The following FNDC3A variants were observed in gnomAD, a reference collection of about 807,000 sequenced individuals.
FNDC3A encodes the protein fibronectin type-III domain-containing protein 3A.
A neutral mutation model predicts 148.9 loss-of-function variants in FNDC3A; 32 were observed. The observed-to-expected ratio is 0.21, with a 90% CI of 0.16 to 0.29. The LOEUF (loss-of-function observed/expected upper bound fraction) is 0.29. FNDC3A is among the 10% of genes least tolerant of loss of function. The probability of loss-of-function intolerance (pLI) is 1.00; values close to 1 mark genes in which losing one functional copy is unlikely to be tolerated. For synonymous variants in FNDC3A, 472 were observed against 473.6 expected (o/e 1.00, Z 0.04); for missense variants, 1,191 against 1,452.8 (o/e 0.82, Z 2.93).
intron 25 of FNDC3A, among the ~76,000 whole-genome samples, chr13:49,204,197 T>C (rs1375494950): frequency 6.6e-6 from 1 of 152,222 alleles, no homozygotes; most frequent in East Asian, 1.9e-4. Flanking sequence ...GATAGCTTTC[T>C]GATAAAGCAA....
At chr13:49,017,837 A>G (rs574264065) in intron 2 of FNDC3A, among the ~76,000 whole-genome samples, 116 of 151,992 alleles carry the variant, frequency 7.6e-4, no homozygotes, top group Non-Finnish European at 1.1e-3. Flanking sequence ...TCTGTAAAGT[A>G]TTTTATTTCT....
chr13:49,087,085 T>G (rs1358825458), intron 3 of FNDC3A, among the ~76,000 whole-genome samples: 1 of 152,112 alleles, frequency 6.6e-6, no homozygotes, highest in African/African-American at 2.4e-5. Flanking sequence ...AAGGAAAATA[T>G]AGGGAAATTC....
intron 2 of FNDC3A, among the ~76,000 whole-genome samples, chr13:49,038,272 C>T (rs1016978599): frequency 2.6e-5 from 4 of 152,168 alleles, no homozygotes; most frequent in Non-Finnish European, 4.4e-5. Flanking sequence ...AATGCCTGTT[C>T]TCACTTAGGG....
intron 8 of FNDC3A, among the ~76,000 whole-genome samples, chr13:49,162,272 A>G (rs1283010579): frequency 6.6e-6 from 1 of 152,154 alleles, no homozygotes; most frequent in Non-Finnish European, 1.5e-5. Context: ...GTCTTTTCAC[A>G]TAGTCCCATA....
At position 48,978,258 on chromosome 13, in the gene FNDC3A, C is replaced by T. The variant is rs560171823; in HGVS notation, c.-40+2081C>T. Among the ~76,000 whole-genome samples the T allele has an allele frequency of 1.1e-4, 17 of 152,172 alleles. No homozygotes were observed. In the East Asian group the frequency reaches 3.3e-3, roughly 29 times the overall value. ...TAATTTAAAAATTTCTCCCTCTTCC[C>T]TGACCAGCCAGACATAGCTAAGGGC... is the stretch of plus-strand genomic sequence containing the variant. On this transcript the variant is annotated intron_variant, in intron 1 of 25. Coordinates refer to ENST00000492622, the MANE Select transcript of FNDC3A (RefSeq NM_001079673.2).
chr13:49,176,727 G>A (rs1227419346), intron 13 of FNDC3A, among the ~76,000 whole-genome samples: 1 of 152,172 alleles, frequency 6.6e-6, no homozygotes, highest in Non-Finnish European at 1.5e-5. Context: ...TGCCACAGTA[G>A]TTAGCTCATT....
At chr13:49,150,942 T>TAAA (rs1883252930) in intron 8 of FNDC3A, among the ~76,000 whole-genome samples, 1 of 54,694 alleles carries the variant, frequency 1.8e-5, no homozygotes, top group African/African-American at 7.9e-5. Flanking sequence ...AGACTCCGTC[T>TAAA]CAAAAAAAAA....
intron 1 of FNDC3A, among the ~76,000 whole-genome samples, chr13:48,998,746 AAAG>A (rs1952069993): frequency 6.6e-6 from 1 of 152,216 alleles, no homozygotes; most frequent in Non-Finnish European, 1.5e-5. Flanking sequence ...CAGAAATGAG[AAAG>A]AACATTTGGA....
At chr13:49,167,203 C>A in intron 8 of FNDC3A, 41 bp from the exon 9 acceptor site, 3 of 1,288,636 alleles carry the variant, frequency 2.3e-6, no homozygotes, top group African/African-American at 1.5e-5. Flanking sequence ...GTTGAAAATG[C>A]TTTATTTATC....
chr13:49,173,489 TA>T (rs1375601633), intron 11 of FNDC3A, among the ~76,000 whole-genome samples: 1 of 152,216 alleles, frequency 6.6e-6, no homozygotes, highest in African/African-American at 2.4e-5. Flanking sequence ...GTACCATCAC[TA>T]AACAAAGGCA....
At chr13:49,125,498 T>C (rs1248283334) in intron 4 of FNDC3A, among the ~76,000 whole-genome samples, 1 of 152,148 alleles carries the variant, frequency 6.6e-6, no homozygotes, top group Non-Finnish European at 1.5e-5. Flanking sequence ...AGTTCTGGGT[T>C]CAGAGTGAGA....
intron 3 of FNDC3A, among the ~76,000 whole-genome samples, chr13:49,100,265 A>G (rs1229744248): frequency 1.3e-5 from 2 of 152,084 alleles, no homozygotes; most frequent in African/African-American, 2.4e-5. Context: ...ATATCAGTCA[A>G]TAAAGAAACA....
chr13:48,986,837 A>G (rs76920906), intron 1 of FNDC3A, among the ~76,000 whole-genome samples: 1 of 152,230 alleles, frequency 6.6e-6, no homozygotes, highest in Non-Finnish European at 1.5e-5. Flanking sequence ...GATTCTGCAG[A>G]CAAATCTACT....
chr13:49,126,261 GT>G (rs967854634), intron 4 of FNDC3A, among the ~76,000 whole-genome samples: 8 of 147,992 alleles, frequency 5.4e-5, no homozygotes, highest in African/African-American at 1.0e-4. Context: ...AGGTTTGGGG[GT>G]TTTTTTTGTT....
At chr13:49,030,148 A>C (rs189980873) in intron 2 of FNDC3A, among the ~76,000 whole-genome samples, 3 of 152,316 alleles carry the variant, frequency 2.0e-5, no homozygotes, top group Non-Finnish European at 4.4e-5. Flanking sequence ...AAGTACTAGC[A>C]AATCAAGTCC....
At chr13:49,183,970 G>A (rs1885434999) in intron 14 of FNDC3A, among the ~76,000 whole-genome samples, 1 of 152,192 alleles carries the variant, frequency 6.6e-6, no homozygotes, top group South Asian at 2.1e-4. Context: ...TTCTGATGAG[G>A]GGAGTGGACA....
intron 2 of FNDC3A, among the ~76,000 whole-genome samples, chr13:49,013,499 C>A (rs1593469538): frequency 6.6e-6 from 1 of 151,378 alleles, no homozygotes; most frequent in Non-Finnish European, 1.5e-5. Context: ...TATACATGTA[C>A]ATGCGTATAC....
intron 1 of FNDC3A, among the ~76,000 whole-genome samples, chr13:49,000,204 C>G (rs1044167294): frequency 2.4e-4 from 36 of 152,120 alleles, no homozygotes; most frequent in African/African-American, 8.4e-4. Context: ...TCTAGAAGTT[C>G]TACAGTTTGG....
intron 25 of FNDC3A, among the ~76,000 whole-genome samples, chr13:49,204,098 A>G (rs1886539610): frequency 6.6e-6 from 1 of 152,238 alleles, no homozygotes; most frequent in Non-Finnish European, 1.5e-5. Flanking sequence ...AATAATAGTC[A>G]TAATGCAGTG....
Sources: gnomAD v4.1 joint callset for allele counts (sites outside exome capture counted in the v4.1 genomes callset) on GRCh38, gnomAD v4.1.1 for gene constraint, MANE v1.5 for transcripts, NCBI Gene and HGNC (gene_info 2026-07-23, HGNC 2026-07-21) for gene names.